CCDC78: variants seen among roughly 807,000 people sequenced by gnomAD.
The protein encoded by CCDC78 is coiled-coil domain containing 78, also known as coiled-coil domain-containing protein 78.
CCDC78 carries 78 observed loss-of-function variants against 61.9 expected under a neutral mutation model. That is an observed-to-expected ratio of 1.26 (90% CI 1.05 to 1.52). CCDC78 has a LOEUF of 1.52. CCDC78 is among the 40% of genes most tolerant of loss of function. The probability of loss-of-function intolerance (pLI) is 0.00; values close to 1 mark genes in which losing one functional copy is unlikely to be tolerated. For missense variants in CCDC78, 737 were observed against 615.5 expected (o/e 1.20, Z -2.09); for synonymous variants, 287 against 251.9 (o/e 1.14, Z -1.32).
chr16:723,366 G>T (rs1452624019), intron 11 of CCDC78: 1 of 715,798 alleles, frequency 1.4e-6, no homozygotes, highest in East Asian at 2.7e-5. Flanking sequence ...GGGCCCAGGG[G>T]GTCTGCTGGC....
rs2040735695 is a variant in CCDC78 at position 725,108 on chromosome 16, T to C, written c.530A>G (p.Glu177Gly). The change falls in exon 6 of 14, where the codon GAG (glutamate) becomes GGG (glycine). Residue 177 changes from glutamate to glycine, a missense_variant. Transcript: ENST00000345165. ...CGTCACCAGTGCCTGCTGCCGGGCC[T>C]CCTGATGCTCCAGCGCCCACTTCAC... ...GEVKWALEHQ[E>G]ARQQALVTRV... 1 of 1,612,748 alleles carries C rather than the reference T, an allele frequency of 6.2e-7. No individual in the cohort carries two copies.
In CCDC78 at chr16:724,370, C is replaced by T. The variant is rs1466584288; in HGVS notation, c.905G>A (p.Arg302Lys). The T allele has an allele frequency of 2.5e-6, 4 of 1,612,276 alleles. No homozygotes were observed. Among genetic ancestry groups the T allele is most frequent in the Admixed American group, 1.7e-5 (1 of 59,998 alleles). ...ATGCCTGCGGCTCAGATCCACCAGC[C>T]TCTTGTGGTAGCTGCGGGCAGCCCG... The part of the protein sequence containing the change: ...LARAARSYHK[R>K]LVDLSRRHEE... The change falls in exon 9 of 14, where the codon AGG becomes AAG. Residue 302 changes from arginine to lysine, a missense_variant. Coordinates refer to ENST00000345165, the MANE Select transcript of CCDC78 (RefSeq NM_001378030.1).
chr16:724,191 G>T lies in CCDC78; in HGVS notation c.968C>A (p.Pro323His), dbSNP rs755099737. ...GCTGGCTATGTCAAAAATAGCTTGG[G>T]GGTTCCCAGGTGCCCTGTCAGGGTA... is the stretch of plus-strand genomic sequence containing the variant. Reference protein sequence around the residue: ...LLVAYRAPGNPQAIFDIASLD... With the variant: ...LLVAYRAPGNHQAIFDIASLD... Residue 323 changes from proline (P) to histidine (H), a missense_variant, in exon 10 of 14, where the codon CCC (proline) becomes CAC (histidine). Transcript: ENST00000345165. 5 of 1,598,638 alleles carry T rather than the reference G, an allele frequency of 3.1e-6. No homozygotes were observed. Among genetic ancestry groups the T allele is most frequent in the South Asian group, 1.1e-5 (1 of 88,912 alleles).
chr16:722,833 C>G, intron 13 of CCDC78, 44 bp from the exon 14 acceptor site: 1 of 1,610,266 alleles, frequency 6.2e-7, no homozygotes, highest in Admixed American at 1.7e-5. Context: ...CAGCTGTGGA[C>G]AGGTCTGCTT....
Position 723,956 on chromosome 16 carries a change from G to C in CCDC78, c.1054-20C>G, listed in dbSNP as rs906009986. Reference sequence around the variant, plus strand: ...GCCGTGCTACAGAGGTTTGTGGTGGGGACGTTTCAGTTGGCTGAACAAGGC... The same window carrying C: ...GCCGTGCTACAGAGGTTTGTGGTGGCGACGTTTCAGTTGGCTGAACAAGGC... On this transcript the variant is annotated intron_variant, in intron 10 of 13. Transcript: ENST00000345165. 5 of 1,602,104 alleles carry C rather than the reference G, an allele frequency of 3.1e-6. No homozygotes were observed. The highest frequency in any genetic ancestry group is 4.3e-6 in the Non-Finnish European group (5 of 1,173,838).
At chr16:723,801 G>C in intron 11 of CCDC78, 56 bp downstream of exon 11, 1 of 1,505,770 alleles carries the variant, frequency 6.6e-7, no homozygotes, top group East Asian at 2.5e-5. Flanking sequence ...GGGTGCAGGC[G>C]TTGTGCTCTC....
chr16:725,727 G>A, intron 3 of CCDC78, 67 bp downstream of exon 3: 1 of 1,574,716 alleles, frequency 6.4e-7, no homozygotes, highest in African/African-American at 1.3e-5. Context: ...TGCCCATGCA[G>A]GGCACGTGTC....
upstream of CCDC78, chr16:726,685 C>T: frequency 2.0e-6 from 1 of 489,074 alleles, no homozygotes; most frequent in Non-Finnish European, 3.7e-6. Flanking sequence ...CGGAACGGAG[C>T]GGCAGCCCGC....
chr16:726,043 C>A lies in CCDC78; in HGVS notation c.103G>T (p.Gly35Cys). ...AKDWLPGAPGGTAVWATSLEA... is the reference protein window; with the variant it reads ...AKDWLPGAPGCTAVWATSLEA... ...AAGCTGGTGGCCCACACTGCGGTGC[C>A]CCCAGGAGCTCCTGGCAGCCAGTCC... The change falls in exon 2 of 14, where the codon GGC (glycine) becomes TGC (cysteine). Residue 35 changes from glycine (G) to cysteine (C), a missense_variant. By Grantham distance (159) the Gly-to-Cys change is radical. Transcript: ENST00000345165. 1 of 1,548,768 alleles carries A rather than the reference C, an allele frequency of 6.5e-7. No homozygotes were observed.
At position 725,524 on chromosome 16, in the gene CCDC78, G is replaced by A. The variant is rs1469212456; in HGVS notation, c.324C>T (p.Ser108=). Residue 108 remains serine (S), a synonymous_variant, in exon 4 of 14, where the codon AGC becomes AGT. Transcript: ENST00000345165. ...ACTCCACTGGGACTGCACAGCCCTG[G>A]CTGGTGCCATCTCCTCGCAGCTCCA... ...LELELRGDGT[S]QGCAVPVESD... 3 of 1,612,246 alleles carry A rather than the reference G, an allele frequency of 1.9e-6. No individual in the cohort carries two copies. The highest frequency in any genetic ancestry group is 2.2e-5 in the South Asian group (2 of 91,092).
At position 723,217 on chromosome 16, in the gene CCDC78, G is replaced by A. The variant is rs530840354; in HGVS notation, c.1134-56C>T. The A allele has an allele frequency of 1.7e-4, 274 of 1,569,642 alleles. 1 individual carries two copies. The highest frequency in any genetic ancestry group is 1.2e-3 in the South Asian group (111 of 88,924). ...TTGAGAGCTGGCATGGTGACACAGG[G>A]ACAGACGTGACCGTGCTGAGTCAGG... On this transcript the variant is annotated intron_variant, in intron 11 of 13. Transcript: ENST00000345165.
Position 724,412 on chromosome 16 carries a change from CGG to C in CCDC78, c.861_862del (p.Ser287ArgfsTer2). Reference sequence around the variant, plus strand: ...GGCAGCCCGGGCCAGCTGCTGCTCACGGCTGCGGTGCGCTGCCCGGATGTCCT... The same window carrying C: ...GGCAGCCCGGGCCAGCTGCTGCTCACCTGCGGTGCGCTGCCCGGATGTCCT... On this transcript the variant is annotated frameshift_variant, in exon 9 of 14. Transcript: ENST00000345165. LOFTEE classifies it high-confidence loss of function. 6.2e-7 allele frequency: 1 copy of C among 1,610,128 alleles called. No individual in the cohort carries two copies.
chr16:725,647 C>A, intron 3 of CCDC78, 67 bp from the exon 4 acceptor site: 1 of 1,584,508 alleles, frequency 6.3e-7, no homozygotes, highest in Non-Finnish European at 8.6e-7. Context: ...GAACATTCAC[C>A]CGGTGCACGC....
intron 8 of CCDC78, 32 bp downstream of exon 8, chr16:724,649 C>T: frequency 6.2e-7 from 1 of 1,601,812 alleles, no homozygotes; most frequent in Non-Finnish European, 8.5e-7. Flanking sequence ...GCTTGGGCTC[C>T]CTAGGCCTCA....
chr16:724,349 C>T lies in CCDC78; in HGVS notation c.926G>A (p.Arg309Lys), dbSNP rs1375728204. 8 of 1,612,324 alleles carry T rather than the reference C, an allele frequency of 5.0e-6. No homozygotes were observed. The highest frequency in any genetic ancestry group is 6.8e-6 in the Non-Finnish European group (8 of 1,179,816). ...GTAGGCAACCAGTAGCTCTTCATGC[C>T]TGCGGCTCAGATCCACCAGCCTCTT... ...YHKRLVDLSR[R>K]HEELLVAYRA... Residue 309 changes from arginine to lysine, a missense_variant, in exon 9 of 14, where the codon AGG becomes AAG. Coordinates refer to ENST00000345165, the MANE Select transcript of CCDC78 (RefSeq NM_001378030.1).
chr16:722,722 C>G lies in CCDC78; in HGVS notation c.1369G>C (p.Val457Leu). The G allele has an allele frequency of 1.9e-6, 3 of 1,610,826 alleles. No homozygotes were observed. The highest frequency in any genetic ancestry group is 2.5e-6 in the Non-Finnish European group (3 of 1,179,934). The change falls in exon 14 of 14, where the codon GTG becomes CTG. Residue 457 changes from valine to leucine, a missense_variant. Transcript: ENST00000345165. ...GAGDPWKVGA[V>L]PPAKPQHPRT... ...GGATGCTGGGGCTTGGCTGGAGGCA[C>G]AGCCCCCACTTTCCAGGGGTCCCCT...
At position 726,356 on chromosome 16, in the gene CCDC78, T is replaced by C; in HGVS notation, c.12A>G (p.Ala4=). The C allele has an allele frequency of 1.3e-6, 2 of 1,541,224 alleles. No homozygotes were observed. Among genetic ancestry groups the C allele is most frequent in the Non-Finnish European group, 1.7e-6 (2 of 1,145,506 alleles). MEH[A]ATTGPRPGPP... ...GTCCAGGCCTGGGGCCTGTGGTGGC[T>C]GCGTGCTCCATAGGCTAGGGAACCC... The change falls in exon 1 of 14, where the codon GCA becomes GCG. Residue 4 remains alanine, a synonymous_variant. Coordinates refer to ENST00000345165, the MANE Select transcript of CCDC78 (RefSeq NM_001378030.1).
upstream of CCDC78, chr16:726,659 G>A (rs565566796): frequency 2.5e-5 from 13 of 515,726 alleles, no homozygotes; most frequent in Middle Eastern, 5.0e-4. Context: ...CAGCCTGGGC[G>A]CAGCGGACGA....
chr16:726,379 C>A lies in CCDC78; in HGVS notation c.-12G>T. The A allele has an allele frequency of 6.6e-7, 1 of 1,524,164 alleles. No homozygotes were observed. The highest frequency in any genetic ancestry group is 8.8e-7 in the Non-Finnish European group (1 of 1,142,140). 94.4% of individuals were successfully genotyped at this position (1,524,164 alleles called of 1,614,324 possible). A position where few individuals can be genotyped will look rare whatever the true frequency, so the allele number is the denominator to read the frequency against. On this transcript the variant is annotated 5_prime_UTR_variant, in exon 1 of 14. Transcript: ENST00000345165. ...GCTGCGTGCTCCATAGGCTAGGGAACCCTGGCCAGCTCCGAGCCCGGTGCT... is the reference window on the plus strand; with the variant it reads ...GCTGCGTGCTCCATAGGCTAGGGAAACCTGGCCAGCTCCGAGCCCGGTGCT...
Sources: allele counts gnomAD v4.1 joint callset, GRCh38; gene constraint gnomAD v4.1.1; transcripts MANE v1.5; gene names NCBI Gene and HGNC (gene_info 2026-07-23, HGNC 2026-07-21).